Variants in KCNC2 observed in about 807,000 individuals in gnomAD.
The protein encoded by KCNC2 is voltage-gated potassium channel KCNC2.
In KCNC2, 21 loss-of-function variants were observed where a neutral mutation model predicts 44.5. The observed-to-expected ratio is 0.47, with a 90% CI of 0.33 to 0.68. The LOEUF is 0.68. KCNC2 is among the 30% of genes least tolerant of loss of function. KCNC2 has a pLI of 0.01. For synonymous variants in KCNC2, 391 were observed against 339.1 expected, an observed-to-expected ratio of 1.15 and a Z score of -1.68; for missense variants, 589 against 826.2, an observed-to-expected ratio of 0.71 and a Z score of 3.52.
chr12:75,118,436 G>A (rs1887829598), intron 2 of KCNC2, among the ~76,000 whole-genome samples: 1 of 151,950 alleles, frequency 6.6e-6, no homozygotes, highest in African/African-American at 2.4e-5. Flanking sequence ...AATGTACTTG[G>A]GACAAGCCCC....
In KCNC2 at chr12:75,040,174, C is replaced by T. The variant is rs199573425; in HGVS notation, c.*2931G>A. ...AGTTAGTTACATTTCCACTGGTTATCATCAAGGTTGTGCATGCGCCTTGAA... is the reference window on the plus strand; with the variant it reads ...AGTTAGTTACATTTCCACTGGTTATTATCAAGGTTGTGCATGCGCCTTGAA... On this transcript the variant is annotated 3_prime_UTR_variant, in exon 5 of 5. Transcript: ENST00000549446. The T allele has an allele frequency of 1.8e-4, 27 of 152,134 alleles. No homozygotes were observed. Among genetic ancestry groups the T allele is most frequent in the African/African-American group, 6.0e-4 (25 of 41,552 alleles). The allele number at this position is 152,134 out of a possible 1,614,324, so 9.4% of individuals were successfully genotyped here.
intron 2 of KCNC2, among the ~76,000 whole-genome samples, chr12:75,159,629 G>T (rs968237766): frequency 6.6e-6 from 1 of 151,772 alleles, no homozygotes; most frequent in Non-Finnish European, 1.5e-5. Context: ...TTCTAACATC[G>T]CTGGACTAGG....
intron 2 of KCNC2, among the ~76,000 whole-genome samples, chr12:75,076,410 C>T (rs1489735807): frequency 1.3e-5 from 2 of 152,064 alleles, no homozygotes; most frequent in African/African-American, 4.8e-5. Context: ...GTAGCTGGGA[C>T]TAGAGGCGCC....
At chr12:75,084,236 T>C (rs1259240645) in intron 2 of KCNC2, among the ~76,000 whole-genome samples, 1 of 150,698 alleles carries the variant, frequency 6.6e-6, no homozygotes, top group Non-Finnish European at 1.5e-5. Context: ...TAGATATAGA[T>C]AGATAGATAG....
intron 2 of KCNC2, among the ~76,000 whole-genome samples, chr12:75,089,179 G>A (rs1192856953): frequency 6.6e-6 from 1 of 151,792 alleles, no homozygotes; most frequent in Admixed American, 6.6e-5. Flanking sequence ...AATGGAAACA[G>A]ATTAGGTACA....
chr12:75,138,199 A>T (rs904391908), intron 2 of KCNC2, among the ~76,000 whole-genome samples: 12 of 152,222 alleles, frequency 7.9e-5, no homozygotes, highest in African/African-American at 2.9e-4. Context: ...TTGCTGTTGG[A>T]TTTTGCTTTT....
intron 2 of KCNC2, among the ~76,000 whole-genome samples, chr12:75,177,164 A>C (rs747405969): frequency 5.3e-5 from 8 of 151,534 alleles, no homozygotes; most frequent in Non-Finnish European, 1.2e-4. Context: ...AAAATACTAG[A>C]TAATTAGTGA....
In KCNC2 at chr12:75,041,528, C is replaced by G. The variant is rs1207378206; in HGVS notation, c.*1577G>C. On this transcript the variant is annotated 3_prime_UTR_variant, in exon 5 of 5. Transcript: ENST00000549446. ...AAATGCCTTAGTGATATTATTTATC[C>G]CTCTATTTATATTACGGTCTTTTTC... is the stretch of plus-strand genomic sequence containing the variant. 4 of 1,136,958 alleles carry G rather than the reference C, an allele frequency of 3.5e-6. No individual in the cohort carries two copies. The highest frequency in any genetic ancestry group is 2.3e-5 in the South Asian group (1 of 43,550). The allele number at this position is 1,136,958 out of a possible 1,614,324, so 70.4% of individuals were successfully genotyped here. A position where few individuals can be genotyped will look rare whatever the true frequency, so the allele number is the denominator to read the frequency against.
At chr12:75,137,833 G>A (rs766749388) in intron 2 of KCNC2, among the ~76,000 whole-genome samples, 5 of 152,274 alleles carry the variant, frequency 3.3e-5, no homozygotes, top group South Asian at 2.1e-4. Context: ...AAGGAACAGC[G>A]CATCAGTACC....
At chr12:75,051,351 T>A (rs201937720) in intron 2 of KCNC2, 34 bp from the exon 3 acceptor site, 101 of 1,216,508 alleles carry the variant, frequency 8.3e-5, no homozygotes, top group Middle Eastern at 2.0e-4. Flanking sequence ...AAACCCATAG[T>A]GATCTGAATC....
chr12:75,058,327 T>A (rs1397328875), intron 2 of KCNC2, among the ~76,000 whole-genome samples: 7 of 151,480 alleles, frequency 4.6e-5, no homozygotes, highest in Admixed American at 4.0e-4. Flanking sequence ...CCCCTAATAT[T>A]TTTATCTTTA....
intron 2 of KCNC2, among the ~76,000 whole-genome samples, chr12:75,185,774 G>T (rs565055218): frequency 6.6e-6 from 1 of 152,212 alleles, no homozygotes; most frequent in Non-Finnish European, 1.5e-5. Context: ...GGCTGGCTGT[G>T]GTGGCTCACT....
chr12:75,056,143 G>C (rs1034313073), intron 2 of KCNC2, among the ~76,000 whole-genome samples: 1 of 151,932 alleles, frequency 6.6e-6, no homozygotes, highest in Non-Finnish European at 1.5e-5. Flanking sequence ...CAAGAAGTAG[G>C]TCTTCAGCCC....
At chr12:75,115,856 A>G (rs144345459) in intron 2 of KCNC2, among the ~76,000 whole-genome samples, 14 of 152,284 alleles carry the variant, frequency 9.2e-5, no homozygotes, top group African/African-American at 3.4e-4. Flanking sequence ...TAATGAATAT[A>G]ATTACAATAT....
rs1471348668 is a variant in KCNC2 at position 75,050,415 on chromosome 12, A to G, written c.1590T>C (p.Asn530=). 1.2e-6 allele frequency: 2 copies of G among 1,612,084 alleles called. No homozygotes were observed. Among genetic ancestry groups the G allele is most frequent in the Non-Finnish European group, 1.7e-6 (2 of 1,179,018 alleles). Residue 530 remains asparagine (N), a synonymous_variant, in exon 3 of 5, where the codon AAT becomes AAC. Transcript: ENST00000549446. The part of the protein sequence containing the change: ...TQSDTCLGKD[N]RLLEHNRSVL... ...CTGATCTGTTATGTTCCAGAAGTCG[A>G]TTGTCTTTGCCCAGACATGTGTCAC... is the stretch of plus-strand genomic sequence containing the variant.
chr12:75,123,070 AAAAT>A (rs1397166225), intron 2 of KCNC2, among the ~76,000 whole-genome samples: 1 of 152,092 alleles, frequency 6.6e-6, no homozygotes, highest in South Asian at 2.1e-4. Flanking sequence ...ATTTTATTTA[AAAAT>A]AAATAAATAA....
At chr12:75,088,121 C>T (rs1049032670) in intron 2 of KCNC2, among the ~76,000 whole-genome samples, 2 of 151,884 alleles carry the variant, frequency 1.3e-5, no homozygotes, top group East Asian at 3.9e-4. Context: ...TCTGTGAAGT[C>T]GAGGTTTAAA....
At chr12:75,099,670 G>C (rs1432588614) in intron 2 of KCNC2, among the ~76,000 whole-genome samples, 1 of 152,104 alleles carries the variant, frequency 6.6e-6, no homozygotes, top group Admixed American at 6.6e-5. Flanking sequence ...AATAAACTCA[G>C]CTTTTGCTCA....
At position 75,042,923 on chromosome 12, in the gene KCNC2, A is replaced by T. The variant is rs1446377697; in HGVS notation, c.*182T>A. On this transcript the variant is annotated 3_prime_UTR_variant, in exon 5 of 5. Transcript: ENST00000549446. ...TAGCACTACTTTAGACAATCTTTAA[A>T]GCCTGGGTAAGATTCATTAGCTACC... 4 of 1,397,734 alleles carry T rather than the reference A, an allele frequency of 2.9e-6. No homozygotes were observed. Among genetic ancestry groups the T allele is most frequent in the Non-Finnish European group, 3.7e-6 (4 of 1,078,462 alleles). The allele number at this position is 1,397,734 out of a possible 1,614,324, so 86.6% of individuals were successfully genotyped here.
Sources: gnomAD v4.1 joint callset for allele counts (sites outside exome capture counted in the v4.1 genomes callset) on GRCh38, gnomAD v4.1.1 for gene constraint, MANE v1.5 for transcripts, NCBI Gene and HGNC (gene_info 2026-07-23, HGNC 2026-07-21) for gene names.